Variants in KIF26B observed in about 807,000 individuals in gnomAD.
The protein encoded by KIF26B is kinesin family member 26B, also known as kinesin-like protein KIF26B.
KIF26B carries 63 observed loss-of-function variants against 151.2 expected under a neutral mutation model. The observed-to-expected ratio is 0.42, with a 90% CI of 0.34 to 0.51. The LOEUF (loss-of-function observed/expected upper bound fraction) is 0.51. Among genes scored for constraint, KIF26B ranks in the 20% least tolerant of loss-of-function variants. The pLI is 0.07. For synonymous variants in KIF26B, 1,357 were observed against 1,262.1 expected, an observed-to-expected ratio of 1.08 and a Z score of -1.59; for missense variants, 2,813 against 2,913.6, an observed-to-expected ratio of 0.97 and a Z score of 0.79.
Position 245,466,488 on chromosome 1 carries a change from T to A in KIF26B, c.1166+46743T>A, listed in dbSNP as rs568664711. Among the ~76,000 whole-genome samples, 8 of 152,348 alleles carry A rather than the reference T, an allele frequency of 5.3e-5. No individual in the cohort carries two copies. The South Asian group carries it at 1.7e-3, about 32-fold the overall frequency. ...GATTTACAAGGTAAATCAAAGCAGC[T>A]GTAGGAAGGAAAGAAAAGATTTTCA... On this transcript the variant is annotated intron_variant, in intron 4 of 14. Transcript: ENST00000407071.
intron 2 of KIF26B, among the ~76,000 whole-genome samples, chr1:245,332,809 C>T (rs1672141165): frequency 6.6e-6 from 1 of 152,196 alleles, no homozygotes. Flanking sequence ...GCTTTTATGT[C>T]ATCTCACTGC....
intron 7 of KIF26B, 44 bp downstream of exon 7, chr1:245,607,788 T>G: frequency 6.9e-7 from 1 of 1,445,894 alleles, no homozygotes; most frequent in South Asian, 1.2e-5. Context: ...TTGAGCTCCC[T>G]GTCATCCCAT....
chr1:245,409,254 A>C (rs1674216707), intron 3 of KIF26B, among the ~76,000 whole-genome samples: 1 of 152,202 alleles, frequency 6.6e-6, no homozygotes, highest in Admixed American at 6.5e-5. Context: ...TAAGCCACAC[A>C]TGTTGGAACT....
chr1:245,260,147 G>T (rs1269853147), intron 2 of KIF26B, among the ~76,000 whole-genome samples: 1 of 152,076 alleles, frequency 6.6e-6, no homozygotes, highest in African/African-American at 2.4e-5. Flanking sequence ...TGGTGGAGTT[G>T]ATGGTGAGAA....
At chr1:245,253,507 CCCTT>C (rs1237127089) in intron 2 of KIF26B, among the ~76,000 whole-genome samples, 3 of 151,992 alleles carry the variant, frequency 2.0e-5, no homozygotes, top group East Asian at 3.8e-4. Flanking sequence ...TTCTTGCACT[CCCTT>C]CATTTAGTTT....
At position 245,687,183 on chromosome 1, in the gene KIF26B, C is replaced by G. The variant is rs755608818; in HGVS notation, c.4200C>G (p.Ser1400Arg). ...NITVYPCIAM[S>R]PRNIQEPEAP... is the part of the protein sequence containing the mutation. ...CAGTTTACCCCTGCATTGCCATGAG[C>G]CCCCGGAACATCCAAGAGCCGGAGG... is the stretch of plus-strand genomic sequence containing the variant. The change falls in exon 12 of 15, where the codon AGC becomes AGG. Residue 1400 changes from serine to arginine, a missense_variant. Physicochemically the swap from Ser to Arg is moderately radical, Grantham distance 110. Transcript: ENST00000407071. This position sits in a 1 kb window ranked among gnomAD's most constrained non-coding sequence, Gnocchi z 4.9. The G allele has an allele frequency of 1.8e-5, 29 of 1,612,600 alleles. No individual in the cohort carries two copies. Among genetic ancestry groups the G allele is most frequent in the Non-Finnish European group, 2.3e-5 (27 of 1,179,522 alleles).
chr1:245,544,898 A>G (rs563921124), intron 5 of KIF26B, among the ~76,000 whole-genome samples: 2 of 152,134 alleles, frequency 1.3e-5, no homozygotes, highest in African/African-American at 4.8e-5. Context: ...TCCAGCAACA[A>G]TCCCACTCCC....
chr1:245,494,845 G>T (rs1660479783), intron 4 of KIF26B, among the ~76,000 whole-genome samples: 1 of 151,936 alleles, frequency 6.6e-6, no homozygotes, highest in Admixed American at 6.6e-5. Flanking sequence ...TCCAAGACCA[G>T]CCTAGGCAAC....
chr1:245,561,642 C>T (rs891419189), intron 5 of KIF26B, among the ~76,000 whole-genome samples: 3 of 152,198 alleles, frequency 2.0e-5, no homozygotes, highest in African/African-American at 7.2e-5. Context: ...AACTCATTTG[C>T]ATACCTCATT....
intron 2 of KIF26B, among the ~76,000 whole-genome samples, chr1:245,285,298 T>C (rs774609975): frequency 9.9e-5 from 15 of 152,224 alleles, no homozygotes; most frequent in Non-Finnish European, 1.6e-4. Flanking sequence ...TCCTAAGGTC[T>C]AGACCTGATG....
intron 5 of KIF26B, among the ~76,000 whole-genome samples, chr1:245,591,815 C>T (rs999006736): frequency 6.6e-6 from 1 of 152,194 alleles, no homozygotes; most frequent in Non-Finnish European, 1.5e-5. Context: ...GACCAGCCCC[C>T]GACATGTGTC....
intron 5 of KIF26B, among the ~76,000 whole-genome samples, chr1:245,544,611 A>G: frequency 6.6e-6 from 1 of 152,366 alleles, no homozygotes; most frequent in East Asian, 1.9e-4. Context: ...GCAAGAAGTC[A>G]GGACCTTTCG....
intron 4 of KIF26B, among the ~76,000 whole-genome samples, chr1:245,449,758 T>G (rs1404603183): frequency 6.6e-6 from 1 of 152,182 alleles, no homozygotes; most frequent in Admixed American, 6.5e-5. Context: ...AATGAGGAGG[T>G]AAAATAGCCT....
At chr1:245,267,159 T>C (rs1423497119) in intron 2 of KIF26B, among the ~76,000 whole-genome samples, 2 of 152,248 alleles carry the variant, frequency 1.3e-5, no homozygotes, top group African/African-American at 4.8e-5. Context: ...ATCTAAGCTA[T>C]GATACAAATA....
In KIF26B at chr1:245,254,451, C is replaced by A. The variant is rs369450860; in HGVS notation, c.465+97768C>A. On this transcript the variant is annotated intron_variant, in intron 2 of 14. Coordinates refer to ENST00000407071, the MANE Select transcript of KIF26B (RefSeq NM_018012.4). ...AACAAAGGGGGTTGGGGGAGGAGGG[C>A]TTTCCTTTTTGCTAAAGGAAAAATA... Among the ~76,000 whole-genome samples, 28 of 152,188 alleles carry A rather than the reference C, an allele frequency of 1.8e-4. 1 individual carries two copies. The East Asian group carries it at 2.3e-3, about 13-fold the overall frequency.
chr1:245,247,756 C>G (rs1044299987), intron 2 of KIF26B, among the ~76,000 whole-genome samples: 1 of 152,206 alleles, frequency 6.6e-6, no homozygotes. Flanking sequence ...AACTAGAAGG[C>G]AGGCCTTGCC....
At chr1:245,310,105 A>C (rs1210331031) in intron 2 of KIF26B, among the ~76,000 whole-genome samples, 3 of 148,358 alleles carry the variant, frequency 2.0e-5, no homozygotes, top group Non-Finnish European at 4.5e-5. Flanking sequence ...CAATAAATAT[A>C]TATCTCACTA....
chr1:245,674,275 G>A (rs2044330472), intron 10 of KIF26B, among the ~76,000 whole-genome samples: 1 of 152,072 alleles, frequency 6.6e-6, no homozygotes, highest in Admixed American at 6.5e-5. Flanking sequence ...GATAACTCAG[G>A]ATAATGATTC....
chr1:245,437,084 G>A (rs1244596684), intron 4 of KIF26B, among the ~76,000 whole-genome samples: 3 of 151,992 alleles, frequency 2.0e-5, no homozygotes, highest in Non-Finnish European at 2.9e-5. Flanking sequence ...ATGGGATTCC[G>A]CCATGTTGCC....
Sources: gnomAD v4.1 joint callset for allele counts (sites outside exome capture counted in the v4.1 genomes callset) on GRCh38, gnomAD v4.1.1 for gene constraint, Gnocchi (gnomAD v3.1) non-coding constraint, MANE v1.5 for transcripts, NCBI Gene and HGNC (gene_info 2026-07-23, HGNC 2026-07-21) for gene names.